The following FNDC3B variants were observed in gnomAD, a reference collection of about 807,000 sequenced individuals.
FNDC3B encodes fibronectin type III domain containing 3B.
In FNDC3B, 12 loss-of-function variants were observed where a neutral mutation model predicts 151.5. That is an observed-to-expected ratio of 0.08 (90% CI 0.05 to 0.13). FNDC3B has a LOEUF of 0.13. Among genes scored for constraint, FNDC3B ranks in the 10% least tolerant of loss-of-function variants. The pLI, the probability that FNDC3B is intolerant of heterozygous loss-of-function variation, is 1.00. For synonymous variants in FNDC3B, 528 were observed against 549.0 expected (o/e 0.96, Z 0.54); for missense variants, 1,214 against 1,505.3 (o/e 0.81, Z 3.20).
At chr3:172,358,134 A>C (rs1734188683) in intron 22 of FNDC3B, among the ~76,000 whole-genome samples, 1 of 152,222 alleles carries the variant, frequency 6.6e-6, no homozygotes, top group African/African-American at 2.4e-5. Flanking sequence ...TGGATCTAAC[A>C]TGTGTCTGAC....
intron 3 of FNDC3B, among the ~76,000 whole-genome samples, chr3:172,136,634 A>G (rs964066312): frequency 6.6e-6 from 1 of 152,226 alleles, no homozygotes. Flanking sequence ...TCTGAAAGAA[A>G]TATTTGTATT....
intron 3 of FNDC3B, among the ~76,000 whole-genome samples, chr3:172,199,186 AT>A (rs59302352): frequency 1.0e-3 from 134 of 128,206 alleles, no homozygotes; most frequent in Middle Eastern, 5.0e-3. Context: ...TTTATTTTTT[AT>A]TTTTTTTTTT....
At chr3:172,058,194 C>G (rs892340700) in intron 1 of FNDC3B, among the ~76,000 whole-genome samples, 1 of 152,220 alleles carries the variant, frequency 6.6e-6, no homozygotes. Flanking sequence ...AGGGCTTTGT[C>G]AGAGCTTTCT....
chr3:172,239,315 T>C (rs548171710), intron 4 of FNDC3B, among the ~76,000 whole-genome samples: 9 of 152,308 alleles, frequency 5.9e-5, no homozygotes, highest in African/African-American at 2.2e-4. Flanking sequence ...CTTGTTCTTC[T>C]CTTTGTTCAT....
At chr3:172,119,785 C>T (rs1040518666) in intron 2 of FNDC3B, among the ~76,000 whole-genome samples, 5 of 152,160 alleles carry the variant, frequency 3.3e-5, no homozygotes, top group Non-Finnish European at 1.5e-5. Flanking sequence ...ATTCTCCAGT[C>T]CGAAGGTCCA....
intron 23 of FNDC3B, among the ~76,000 whole-genome samples, chr3:172,370,429 A>G (rs1734831392): frequency 6.6e-6 from 1 of 152,280 alleles, no homozygotes; most frequent in East Asian, 1.9e-4. Flanking sequence ...AGCCTAAAAT[A>G]CTGAAATTAA....
intron 18 of FNDC3B, 94 bp from the exon 19 acceptor site, chr3:172,343,992 T>C (rs941830993): frequency 2.7e-6 from 3 of 1,099,070 alleles, no homozygotes; most frequent in African/African-American, 3.1e-5. Context: ...CGGCCACCTA[T>C]GTGATATTTT....
At chr3:172,070,849 A>G (rs1717741784) in intron 1 of FNDC3B, among the ~76,000 whole-genome samples, 2 of 152,206 alleles carry the variant, frequency 1.3e-5, no homozygotes, top group South Asian at 2.1e-4. Flanking sequence ...AATCTCAGGC[A>G]TATTATTTCA....
chr3:172,232,555 G>A (rs1180074442), intron 4 of FNDC3B, among the ~76,000 whole-genome samples: 1 of 152,204 alleles, frequency 6.6e-6, no homozygotes, highest in East Asian at 1.9e-4. Context: ...GATATAGTAG[G>A]TTGGGGGATG....
At chr3:172,347,464 A>T in intron 21 of FNDC3B, 103 bp downstream of exon 21, 2 of 819,160 alleles carry the variant, frequency 2.4e-6, no homozygotes, top group Non-Finnish European at 3.5e-6. Flanking sequence ...GTCAGGAGGG[A>T]TGATATGGAA....
chr3:172,152,342 A>G (rs79171435), intron 3 of FNDC3B, among the ~76,000 whole-genome samples: 7,612 of 152,132 alleles, frequency 0.05, 556 homozygotes, highest in African/African-American at 0.17. Flanking sequence ...GTGTGTATGT[A>G]TGGGGTACTT....
At chr3:172,162,400 A>G (rs1331104345) in intron 3 of FNDC3B, among the ~76,000 whole-genome samples, 2 of 152,166 alleles carry the variant, frequency 1.3e-5, no homozygotes, top group Admixed American at 1.3e-4. Context: ...ACTGATAAAC[A>G]TTTGGGTTGT....
chr3:172,100,686 C>A (rs557080864), intron 1 of FNDC3B, among the ~76,000 whole-genome samples: 1 of 152,046 alleles, frequency 6.6e-6, no homozygotes, highest in African/African-American at 2.4e-5. Context: ...ATTTCTGTTT[C>A]GGTCTCTTCT....
chr3:172,330,431 C>T, intron 12 of FNDC3B, 110 bp from the exon 13 acceptor site: 1 of 922,154 alleles, frequency 1.1e-6, no homozygotes, highest in East Asian at 2.5e-5. Context: ...GCTTTGCTTA[C>T]TCTACCTGCT....
At chr3:172,197,439 A>G (rs1284132113) in intron 3 of FNDC3B, among the ~76,000 whole-genome samples, 4 of 152,224 alleles carry the variant, frequency 2.6e-5, no homozygotes, top group African/African-American at 7.2e-5. Flanking sequence ...AAGGATGTTC[A>G]TCTGCATAAC....
chr3:172,061,174 T>C (rs1240539350), intron 1 of FNDC3B, among the ~76,000 whole-genome samples: 2 of 152,160 alleles, frequency 1.3e-5, no homozygotes, highest in Non-Finnish European at 2.9e-5. Context: ...TGGATGCTTA[T>C]TCTAAACTCA....
chr3:172,047,499 A>G (rs947581263), intron 1 of FNDC3B, among the ~76,000 whole-genome samples: 29 of 152,362 alleles, frequency 1.9e-4, no homozygotes, highest in African/African-American at 6.0e-4. Context: ...ACCACTTTTA[A>G]GCACCTTGGG....
At chr3:172,290,302 C>T (rs1376050354) in intron 7 of FNDC3B, among the ~76,000 whole-genome samples, 1 of 152,148 alleles carries the variant, frequency 6.6e-6, no homozygotes, top group Non-Finnish European at 1.5e-5. Context: ...TGCAAAGGTC[C>T]AAATACTTAG....
intron 1 of FNDC3B, among the ~76,000 whole-genome samples, chr3:172,107,809 C>G (rs1719733523): frequency 6.6e-6 from 1 of 151,980 alleles, no homozygotes; most frequent in South Asian, 2.1e-4. Flanking sequence ...TCTGGCCGCT[C>G]AGCCCAAAGA....
Sources: allele counts gnomAD v4.1 joint callset (sites outside exome capture counted in the v4.1 genomes callset), GRCh38; gene constraint gnomAD v4.1.1; transcripts MANE v1.5; gene names NCBI Gene and HGNC (gene_info 2026-07-23, HGNC 2026-07-21).